MTG2: variants seen among roughly 807,000 people sequenced by gnomAD.
MTG2 encodes the protein mitochondrial ribosome-associated GTPase 2.
MTG2 carries 23 observed loss-of-function variants against 28.6 expected under a neutral mutation model. That is an observed-to-expected ratio of 0.80 (90% CI 0.58 to 1.14). The LOEUF (loss-of-function observed/expected upper bound fraction) is 1.14. Among genes scored for constraint, MTG2 ranks in the 50% most tolerant of loss-of-function variants. The pLI is 0.00. For synonymous variants in MTG2, 260 were observed against 251.8 expected (o/e 1.03, Z -0.31); for missense variants, 539 against 552.0 (o/e 0.98, Z 0.24).
intron 1 of MTG2, among the ~76,000 whole-genome samples, chr20:62,184,531 C>T (rs758793159): frequency 6.6e-6 from 1 of 152,190 alleles, no homozygotes; most frequent in Non-Finnish European, 1.5e-5. Context: ...TCAGGGAAGG[C>T]AGCAGTGATC....
At chr20:62,188,579 C>T (rs1278393147) in intron 1 of MTG2, among the ~76,000 whole-genome samples, 1 of 139,750 alleles carries the variant, frequency 7.2e-6, no homozygotes, top group Non-Finnish European at 1.5e-5. Flanking sequence ...TCTCAAATTC[C>T]TGGCCTCAAG....
intron 2 of MTG2, among the ~76,000 whole-genome samples, chr20:62,194,872 T>C (rs2058031186): frequency 6.6e-6 from 1 of 152,174 alleles, no homozygotes; most frequent in African/African-American, 2.4e-5. Flanking sequence ...TCTCTCTTCA[T>C]CCAGATTGCA....
At chr20:62,184,541 C>A (rs1234181171) in intron 1 of MTG2, among the ~76,000 whole-genome samples, 1 of 152,078 alleles carries the variant, frequency 6.6e-6, no homozygotes, top group Admixed American at 6.5e-5. Flanking sequence ...CAGCAGTGAT[C>A]GGGACAGGGA....
At chr20:62,183,231 C>G (rs2057758373) in intron 1 of MTG2, among the ~76,000 whole-genome samples, 174 bp downstream of exon 1, 1 of 152,142 alleles carries the variant, frequency 6.6e-6, no homozygotes, top group South Asian at 2.1e-4. Flanking sequence ...CCGGCGGGAC[C>G]GAGCGCTGCG....
intron 1 of MTG2, among the ~76,000 whole-genome samples, chr20:62,188,128 CA>C (rs11474675): frequency 0.32 from 38,716 of 121,696 alleles, 5,351 homozygotes; most frequent in South Asian, 0.5. Flanking sequence ...GAGACTGTCT[CA>C]AAAAAAAAAA....
At chr20:62,192,665 G>T (rs1361423021) in intron 1 of MTG2, among the ~76,000 whole-genome samples, 5 of 152,102 alleles carry the variant, frequency 3.3e-5, no homozygotes, top group African/African-American at 1.2e-4. Flanking sequence ...ACCAAGAGGT[G>T]CCTCATTAGA....
In MTG2 at chr20:62,195,913, G is replaced by A. The variant is rs368469122; in HGVS notation, c.316G>A (p.Gly106Arg). 1.9e-6 allele frequency: 3 copies of A among 1,614,084 alleles called. No individual in the cohort carries two copies. The African/African-American group carries it at 4.0e-5, about 22-fold the overall frequency. Residue 106 changes from glycine to arginine, a missense_variant, in exon 3 of 7, where the codon GGG becomes AGG. By Grantham distance (125) the Gly-to-Arg change is moderately radical (BLOSUM62 -2). Transcript: ENST00000370823. ...PRKEFGGPDGGDGGNGGHVIL... is the reference protein window; with the variant it reads ...PRKEFGGPDGRDGGNGGHVIL... ...CAAGGAGTTTGGAGGCCCTGATGGAGGGGACGGAGGCAACGGTGGACACGT... is the reference window on the plus strand; with the variant it reads ...CAAGGAGTTTGGAGGCCCTGATGGAAGGGACGGAGGCAACGGTGGACACGT...
In MTG2 at chr20:62,201,236, G is replaced by A; in HGVS notation, c.*159G>A. 1.1e-6 allele frequency: 1 copy of A among 904,286 alleles called. No homozygotes were observed. The highest frequency in any genetic ancestry group is 1.6e-6 in the Non-Finnish European group (1 of 617,330). 56.0% of individuals were successfully genotyped at this position (904,286 alleles called of 1,614,324 possible). On this transcript the variant is annotated 3_prime_UTR_variant, in exon 7 of 7. Coordinates refer to ENST00000370823, the MANE Select transcript of MTG2 (RefSeq NM_015666.4). ...CTGGCCTGAGATGCCCTCATGTTGG[G>A]AAGCATTCCGTGCCCCCTACCCCGC...
At chr20:62,190,531 G>A (rs2057936494) in intron 1 of MTG2, among the ~76,000 whole-genome samples, 2 of 152,278 alleles carry the variant, frequency 1.3e-5, no homozygotes, top group African/African-American at 4.8e-5. Flanking sequence ...TTCGTTTTCT[G>A]CCATCTAGAA....
chr20:62,198,206 C>T (rs1200650330), intron 4 of MTG2: 10 of 551,874 alleles, frequency 1.8e-5, no homozygotes, highest in African/African-American at 7.5e-5. Flanking sequence ...AGTCATGAAA[C>T]GATTCTCTTT....
chr20:62,202,680 G>C lies in MTG2; in HGVS notation c.*1603G>C, dbSNP rs2058192790. The C allele has an allele frequency of 1.3e-5, 2 of 151,036 alleles. No homozygotes were observed. Among genetic ancestry groups the C allele is most frequent in the Non-Finnish European group, 2.9e-5 (2 of 67,830 alleles). The allele number at this position is 151,036 out of a possible 1,614,324, so 9.4% of individuals were successfully genotyped here. A position where few individuals can be genotyped will look rare whatever the true frequency, so the allele number is the denominator to read the frequency against. On this transcript the variant is annotated 3_prime_UTR_variant, in exon 7 of 7. Transcript: ENST00000370823. ...AAGCAGGAGAATGGCGTGAACCTGG[G>C]AGGCGGAGCTTGCAGTGAGCCGAGA...
In MTG2 at chr20:62,199,238, A is replaced by G; in HGVS notation, c.807A>G (p.Glu269=). The G allele has an allele frequency of 3.7e-6, 6 of 1,613,658 alleles. No homozygotes were observed. The highest frequency in any genetic ancestry group is 5.1e-6 in the Non-Finnish European group (6 of 1,179,590). ...LKPHVGIVHY[E]GHLQIAVADI... is the part of the protein sequence containing the mutation. ...CCCACGTCGGGATCGTCCACTACGA[A>G]GGCCACCTACAAATAGCAGGTAGAA... Residue 269 remains glutamate (E), a synonymous_variant, in exon 6 of 7, where the codon GAA becomes GAG. Transcript: ENST00000370823.
chr20:62,188,941 G>A (rs1318982819), intron 1 of MTG2: 1 of 152,060 alleles, frequency 6.6e-6, no homozygotes, highest in African/African-American at 2.4e-5. Flanking sequence ...GTTGTTGGAT[G>A]TACTGTTATG....
intron 1 of MTG2, among the ~76,000 whole-genome samples, chr20:62,183,854 A>G (rs1219976138): frequency 6.6e-6 from 1 of 152,258 alleles, no homozygotes; most frequent in Non-Finnish European, 1.5e-5. Context: ...AAACTTGGGC[A>G]GAAAATGGAT....
intron 1 of MTG2, among the ~76,000 whole-genome samples, chr20:62,189,814 G>T (rs969149229): frequency 6.6e-6 from 1 of 151,886 alleles, no homozygotes; most frequent in Non-Finnish European, 1.5e-5. Flanking sequence ...ACAGGCACAC[G>T]CCACCATGCC....
In MTG2 at chr20:62,201,041, C is replaced by G. The variant is rs757250378; in HGVS notation, c.1185C>G (p.Ala395=). The G allele has an allele frequency of 3.7e-6, 6 of 1,603,194 alleles. No homozygotes were observed. In the East Asian group the frequency reaches 1.1e-4, roughly 30 times the overall value. The change falls in exon 7 of 7, where the codon GCC becomes GCG. Residue 395 remains alanine, a synonymous_variant. Transcript: ENST00000370823. ...LKVLYDAYAE[A]ELGQGRQPLR... ...TGCTGTATGACGCCTACGCGGAGGC[C>G]GAGCTGGGCCAGGGCCGCCAGCCGC...
chr20:62,183,837 C>T (rs1296189098), intron 1 of MTG2, among the ~76,000 whole-genome samples: 1 of 152,194 alleles, frequency 6.6e-6, no homozygotes, highest in African/African-American at 2.4e-5. Context: ...GCAGAGAGAA[C>T]GTAGCGAAAC....
rs561732676 is a variant in MTG2 at position 62,187,630 on chromosome 20, G to C, written c.-6+4573G>C. On this transcript the variant is annotated intron_variant, in intron 1 of 6. Transcript: ENST00000370823. ...TTGTTACTGAATTTGCTGGCATGAA[G>C]TCGTTCCCAGCATTCTCTTGCCCTC... Among the ~76,000 whole-genome samples the C allele has an allele frequency of 3.5e-4, 54 of 152,340 alleles. 1 individual carries two copies. In the South Asian group the frequency reaches 0.011, roughly 31 times the overall value.
At position 62,200,824 on chromosome 20, in the gene MTG2, A is replaced by T; in HGVS notation, c.968A>T (p.Asp323Val). The change falls in exon 7 of 7, where the codon GAT (aspartate) becomes GTT (valine). Residue 323 changes from aspartate (D) to valine (V), a missense_variant. Physicochemically the swap from Asp to Val is radical, Grantham distance 152 (BLOSUM62 -3). Coordinates refer to ENST00000370823, the MANE Select transcript of MTG2 (RefSeq NM_015666.4). ...CCTGAGCCGTGGACTCAAGTTGACG[A>T]TTTAAAATATGAACTGGAGATGTAT... ...SQPEPWTQVDDLKYELEMYEK... is the reference protein window; with the variant it reads ...SQPEPWTQVDVLKYELEMYEK... 2 of 1,613,920 alleles carry T rather than the reference A, an allele frequency of 1.2e-6. No individual in the cohort carries two copies. Among genetic ancestry groups the T allele is most frequent in the East Asian group, 2.2e-5 (1 of 44,882 alleles).
Sources: gnomAD v4.1 joint callset for allele counts (sites outside exome capture counted in the v4.1 genomes callset) on GRCh38, gnomAD v4.1.1 for gene constraint, MANE v1.5 for transcripts, NCBI Gene and HGNC (gene_info 2026-07-23, HGNC 2026-07-21) for gene names.